The following PTPN5 variants were observed in gnomAD, a reference collection of about 807,000 sequenced individuals.
PTPN5 encodes the protein protein tyrosine phosphatase non-receptor type 5.
Under a neutral mutation model 73.9 loss-of-function variants are expected in PTPN5, and 29 were observed. The observed-to-expected ratio is 0.39, with a 90% confidence interval of 0.29 to 0.54. PTPN5 has a LOEUF of 0.54. Ranked by LOEUF, PTPN5 falls within the 20% of genes least tolerant of loss-of-function variation. The pLI is 0.65. For synonymous variants in PTPN5, 267 were observed against 304.7 expected, an observed-to-expected ratio of 0.88 and a Z score of 1.29; for missense variants, 652 against 751.4, an observed-to-expected ratio of 0.87 and a Z score of 1.55.
At chr11:18,784,523 T>C (rs1236936127) in intron 1 of PTPN5, among the ~76,000 whole-genome samples, 1 of 152,110 alleles carries the variant, frequency 6.6e-6, no homozygotes, top group African/African-American at 2.4e-5. Context: ...ATTTAATGAG[T>C]ACAGCGATTC....
rs1407915024 is a variant in PTPN5 at position 18,733,828 on chromosome 11, G to T, written c.1001-193C>A. On this transcript the variant is annotated intron_variant, in intron 9 of 14. Transcript: ENST00000358540. This position sits in a 1 kb window ranked among gnomAD's most constrained non-coding sequence, Gnocchi z 4.3. ...AGGACTCAGGATGAGGAGGAGGGTGGAGAGAGAGGGGGGTCCCCGGGTCTC... is the reference window on the plus strand; with the variant it reads ...AGGACTCAGGATGAGGAGGAGGGTGTAGAGAGAGGGGGGTCCCCGGGTCTC... Among the ~76,000 whole-genome samples the T allele has an allele frequency of 6.6e-6, 1 of 152,164 alleles. No individual in the cohort carries two copies. Among genetic ancestry groups the T allele is most frequent in the Non-Finnish European group, 1.5e-5 (1 of 68,022 alleles).
In PTPN5 at chr11:18,742,267, C is replaced by T. The variant is rs1328862436; in HGVS notation, c.720G>A (p.Gln240=). The T allele has an allele frequency of 6.2e-7, 1 of 1,614,180 alleles. No individual in the cohort carries two copies. Among genetic ancestry groups the T allele is most frequent in the Non-Finnish European group, 8.5e-7 (1 of 1,180,008 alleles). The change falls in exon 7 of 15, where the codon CAG becomes CAA. Residue 240 remains glutamine, a synonymous_variant. Coordinates refer to ENST00000358540, the MANE Select transcript of PTPN5 (RefSeq NM_006906.2). This position sits in a 1 kb window ranked among gnomAD's most constrained non-coding sequence, Gnocchi z 4.1. The part of the protein sequence containing the change: ...TSLTVKSMGL[Q]ERRGSNVSLT... ...CCCTCCTCCACCCCTCCCACCTCTC[C>T]TGCAGACCCATGGACTTGACGGTGA...
intron 3 of PTPN5, among the ~76,000 whole-genome samples, chr11:18,763,264 A>C (rs1463103963): frequency 2.6e-5 from 4 of 152,192 alleles, no homozygotes; most frequent in African/African-American, 4.8e-5. Flanking sequence ...AAACGCACCT[A>C]AACTCTTTCT....
intron 3 of PTPN5, among the ~76,000 whole-genome samples, chr11:18,751,634 C>T (rs1001837023): frequency 2.6e-5 from 4 of 152,166 alleles, no homozygotes; most frequent in African/African-American, 4.8e-5. Context: ...GAAGGCAGGG[C>T]CCAAGTCTTG....
At chr11:18,759,452 G>C (rs1850295099) in intron 3 of PTPN5, among the ~76,000 whole-genome samples, 1 of 152,204 alleles carries the variant, frequency 6.6e-6, no homozygotes, top group Admixed American at 6.5e-5. Flanking sequence ...AGCACCCCAA[G>C]GCCTAGCTAG....
At chr11:18,731,820 A>G (rs373490160) in intron 12 of PTPN5, among the ~76,000 whole-genome samples, 15 of 152,178 alleles carry the variant, frequency 9.9e-5, no homozygotes, top group African/African-American at 2.7e-4. Flanking sequence ...GTCAGCATCA[A>G]TGAACTTCCT....
intron 2 of PTPN5, among the ~76,000 whole-genome samples, chr11:18,766,525 A>G (rs567864313): frequency 6.6e-6 from 1 of 152,322 alleles, no homozygotes; most frequent in East Asian, 1.9e-4. Flanking sequence ...AGTTACATAC[A>G]TGTTTTGTAT....
In PTPN5 at chr11:18,733,267, CAAT is replaced by C; in HGVS notation, c.1183_1185del (p.Ile395del). On this transcript the variant is annotated inframe_deletion, in exon 11 of 15. Coordinates refer to ENST00000358540, the MANE Select transcript of PTPN5 (RefSeq NM_006906.2). The surrounding 1 kb of genome is among the most constrained non-coding windows in gnomAD (Gnocchi z 4.3). ...ATCTCCTCGATGTTGGTGATCATGA[CAAT>C]GATGGGCGTGTGCTCCTGCCACACC... is the stretch of plus-strand genomic sequence containing the variant. The C allele has an allele frequency of 1.9e-6, 3 of 1,613,990 alleles. 1 individual carries two copies. The highest frequency in any genetic ancestry group is 2.5e-6 in the Non-Finnish European group (3 of 1,179,892).
At chr11:18,757,586 C>G (rs1850212241) in intron 3 of PTPN5, among the ~76,000 whole-genome samples, 5 of 150,536 alleles carry the variant, frequency 3.3e-5, no homozygotes, top group Admixed American at 3.3e-4. Flanking sequence ...GTACACTGTG[C>G]TGTGTGTATT....
chr11:18,776,793 T>C (rs550554221), intron 1 of PTPN5, among the ~76,000 whole-genome samples: 6 of 152,310 alleles, frequency 3.9e-5, no homozygotes, highest in African/African-American at 1.2e-4. Context: ...TCCAATACTG[T>C]ATCTGGCACC....
At chr11:18,792,048 C>G (rs1344973759), upstream of PTPN5, 1 of 152,342 alleles carries the variant, frequency 6.6e-6, no homozygotes, top group Non-Finnish European at 1.5e-5. Context: ...GCCAAGGTTG[C>G]TTGGACAAGG....
chr11:18,736,168 G>C (rs1448074746), intron 9 of PTPN5, among the ~76,000 whole-genome samples: 1 of 152,152 alleles, frequency 6.6e-6, no homozygotes, highest in East Asian at 1.9e-4. Context: ...CGGCATGGTG[G>C]CTCATGCCTA....
At chr11:18,779,500 C>A (rs981147784) in intron 1 of PTPN5, among the ~76,000 whole-genome samples, 1 of 152,146 alleles carries the variant, frequency 6.6e-6, no homozygotes, top group Non-Finnish European at 1.5e-5. Context: ...TTCTCAGTAC[C>A]TTATTTCATT....
chr11:18,774,757 C>G (rs1851065082), intron 1 of PTPN5, among the ~76,000 whole-genome samples: 1 of 152,234 alleles, frequency 6.6e-6, no homozygotes, highest in Non-Finnish European at 1.5e-5. Context: ...CACAGTGATT[C>G]AGCTCAGACT....
At chr11:18,740,550 G>T in intron 8 of PTPN5, 53 bp downstream of exon 8, 2 of 1,363,546 alleles carry the variant, frequency 1.5e-6, no homozygotes, top group South Asian at 2.2e-5. Flanking sequence ...TGGGCAGGTG[G>T]ATGATTGACA....
At chr11:18,778,651 T>C (rs557530974) in intron 1 of PTPN5, among the ~76,000 whole-genome samples, 24 of 152,304 alleles carry the variant, frequency 1.6e-4, no homozygotes, top group African/African-American at 5.5e-4. Flanking sequence ...GTACCCTCTT[T>C]GCCTTCTATC....
In PTPN5 at chr11:18,728,842, G is replaced by T; in HGVS notation, c.*92C>A. 1 of 1,240,456 alleles carries T rather than the reference G, an allele frequency of 8.1e-7. No homozygotes were observed. The highest frequency in any genetic ancestry group is 1.1e-6 in the Non-Finnish European group (1 of 879,718). 76.8% of individuals were successfully genotyped at this position (1,240,456 alleles called of 1,614,324 possible). ...GGGAGCTGACTGAAGGGGAGGAAGC[G>T]GGGAGCAGGCCCAGGACCCGAGGCA... On this transcript the variant is annotated 3_prime_UTR_variant, in exon 15 of 15. Coordinates refer to ENST00000358540, the MANE Select transcript of PTPN5 (RefSeq NM_006906.2). This position sits in a 1 kb window ranked among gnomAD's most constrained non-coding sequence, Gnocchi z 4.1.
At chr11:18,741,697 A>AGAAACT (rs1207073125) in intron 7 of PTPN5, among the ~76,000 whole-genome samples, 1 of 152,152 alleles carries the variant, frequency 6.6e-6, no homozygotes, top group Non-Finnish European at 1.5e-5. Flanking sequence ...TGGCAACAAT[A>AGAAACT]GAAACTGGGG....
chr11:18,766,768 T>C (rs1183590147), intron 2 of PTPN5, among the ~76,000 whole-genome samples: 4 of 152,202 alleles, frequency 2.6e-5, no homozygotes, highest in African/African-American at 9.7e-5. Context: ...CAGCGTGGGC[T>C]CCAGTGGCCT....
Sources: allele counts gnomAD v4.1 joint callset (sites outside exome capture counted in the v4.1 genomes callset), GRCh38; gene constraint gnomAD v4.1.1; non-coding constraint Gnocchi (gnomAD v3.1); transcripts MANE v1.5; gene names NCBI Gene and HGNC (gene_info 2026-07-23, HGNC 2026-07-21).